The following EFNA5 variants were observed in gnomAD, a reference collection of about 807,000 sequenced individuals.
The protein encoded by EFNA5 is ephrin-A5.
EFNA5 carries 5 observed loss-of-function variants against 22.9 expected under a neutral mutation model. The observed-to-expected ratio is 0.22, with a 90% CI of 0.11 to 0.46. The LOEUF is 0.46. Among genes scored for constraint, EFNA5 ranks in the 20% least tolerant of loss-of-function variants. The pLI, the probability that EFNA5 is intolerant of heterozygous loss-of-function variation, is 0.99. For synonymous variants in EFNA5, 113 were observed against 112.2 expected (o/e 1.01, Z -0.04); for missense variants, 237 against 293.3 (o/e 0.81, Z 1.40).
At chr5:107,444,264 C>A (rs1295604994) in intron 1 of EFNA5, among the ~76,000 whole-genome samples, 1 of 152,212 alleles carries the variant, frequency 6.6e-6, no homozygotes, top group African/African-American at 2.4e-5. Context: ...AGAGAACATG[C>A]ATTTATCTTT....
chr5:107,456,399 G>A (rs1162489613), intron 1 of EFNA5, among the ~76,000 whole-genome samples: 1 of 152,146 alleles, frequency 6.6e-6, no homozygotes, highest in African/African-American at 2.4e-5. Context: ...GAAGCCAGCT[G>A]TTCATGCACT....
rs55662415 is a variant in EFNA5, at chr5:107,397,547, C to CAA, written c.419-9778_419-9777dup. On this transcript the variant is annotated intron_variant, in intron 2 of 4. Transcript: ENST00000333274. ...TGGGTGACAGAGTGAGACTCCATCT[C>CAA]AAAAAAAAAAAGGGTGGGGGTAATT... is the stretch of plus-strand genomic sequence containing the variant. Among the ~76,000 whole-genome samples, 206 of 145,864 alleles carry CAA rather than the reference C, an allele frequency of 1.4e-3. 2 individuals carry two copies. The highest frequency in any genetic ancestry group is 1.6e-3 in the Admixed American group (24 of 14,730).
chr5:107,414,242 T>C (rs1444326431), intron 2 of EFNA5, among the ~76,000 whole-genome samples: 2 of 152,200 alleles, frequency 1.3e-5, no homozygotes, highest in African/African-American at 4.8e-5. Flanking sequence ...AAATTTGGGA[T>C]AGCGTCTTAA....
At chr5:107,546,276 C>A (rs1037817265) in intron 1 of EFNA5, among the ~76,000 whole-genome samples, 2 of 152,272 alleles carry the variant, frequency 1.3e-5, no homozygotes, top group South Asian at 4.1e-4. Flanking sequence ...CCTCACAAAT[C>A]AATCTGGTCA....
intron 1 of EFNA5, among the ~76,000 whole-genome samples, chr5:107,460,444 T>C (rs535396709): frequency 6.6e-6 from 1 of 152,266 alleles, no homozygotes; most frequent in African/African-American, 2.4e-5. Flanking sequence ...TTCAGTAACA[T>C]CACACAGACA....
intron 1 of EFNA5, among the ~76,000 whole-genome samples, chr5:107,438,380 G>A (rs1005933747): frequency 1.1e-4 from 16 of 152,136 alleles, no homozygotes; most frequent in African/African-American, 2.9e-4. Context: ...TCCTGCAATC[G>A]CCTATCACAT....
At chr5:107,473,360 T>C (rs886148277) in intron 1 of EFNA5, among the ~76,000 whole-genome samples, 9 of 152,006 alleles carry the variant, frequency 5.9e-5, no homozygotes, top group South Asian at 2.1e-4. Context: ...ATATCATTCT[T>C]GAATTCCCTA....
At chr5:107,660,467 G>T (rs1374439524) in intron 1 of EFNA5, among the ~76,000 whole-genome samples, 1 of 150,740 alleles carries the variant, frequency 6.6e-6, no homozygotes, top group Admixed American at 6.6e-5. Flanking sequence ...AAACCAAGAA[G>T]AACACTATCA....
intron 1 of EFNA5, among the ~76,000 whole-genome samples, chr5:107,515,466 C>T (rs1157496355): frequency 2.0e-5 from 3 of 151,222 alleles, no homozygotes; most frequent in Admixed American, 2.0e-4. Context: ...GCAACCTCCG[C>T]CTGCTGGGTT....
intron 1 of EFNA5, among the ~76,000 whole-genome samples, chr5:107,633,262 A>C (rs1750297283): frequency 6.6e-6 from 1 of 152,246 alleles, no homozygotes. Context: ...ATGATGAATT[A>C]CAAGTAAGCC....
chr5:107,513,903 A>G (rs528370287), intron 1 of EFNA5, among the ~76,000 whole-genome samples: 71 of 152,260 alleles, frequency 4.7e-4, no homozygotes, highest in African/African-American at 1.6e-3. Flanking sequence ...ACAGTAAGAG[A>G]GGAGGATGTT....
At chr5:107,586,491 C>A (rs1749188825) in intron 1 of EFNA5, among the ~76,000 whole-genome samples, 1 of 152,208 alleles carries the variant, frequency 6.6e-6, no homozygotes, top group Non-Finnish European at 1.5e-5. Flanking sequence ...GGACAAGTCT[C>A]TTCCATGCAT....
rs112272416 is a variant in EFNA5, at chr5:107,555,126, G to C, written c.125+115363C>G. Among the ~76,000 whole-genome samples the C allele has an allele frequency of 7.4e-4, 113 of 152,326 alleles. 1 individual carries two copies. In the Middle Eastern group the frequency reaches 0.01, roughly 14 times the overall value. On this transcript the variant is annotated intron_variant, in intron 1 of 4. Coordinates refer to ENST00000333274, the MANE Select transcript of EFNA5 (RefSeq NM_001962.3). Reference sequence around the variant, plus strand: ...CATATCCTGCAGAGACAGATGTAGAGAGTTGAGCAGCTTTAAAAATAATGA... The same window carrying C: ...CATATCCTGCAGAGACAGATGTAGACAGTTGAGCAGCTTTAAAAATAATGA...
chr5:107,661,254 G>A (rs1053750765), intron 1 of EFNA5, among the ~76,000 whole-genome samples: 5 of 152,118 alleles, frequency 3.3e-5, no homozygotes, highest in African/African-American at 1.2e-4. Context: ...TAAAATTATT[G>A]GGAGGCAAAG....
intron 1 of EFNA5, among the ~76,000 whole-genome samples, chr5:107,506,361 A>G (rs563053089): frequency 1.3e-5 from 2 of 152,376 alleles, no homozygotes; most frequent in African/African-American, 4.8e-5. Flanking sequence ...GAACATTACA[A>G]TTTAGTTGAA....
intron 1 of EFNA5, among the ~76,000 whole-genome samples, chr5:107,520,113 G>T (rs1351733437): frequency 6.6e-6 from 1 of 152,194 alleles, no homozygotes; most frequent in Non-Finnish European, 1.5e-5. Context: ...CAGATGTGAA[G>T]GCTGGAATTC....
chr5:107,657,818 A>G (rs921874824), intron 1 of EFNA5, among the ~76,000 whole-genome samples: 4 of 152,178 alleles, frequency 2.6e-5, no homozygotes, highest in Non-Finnish European at 5.9e-5. Context: ...GTTCATTTAG[A>G]TTAGTAATAT....
chr5:107,462,634 A>C (rs956355764), intron 1 of EFNA5, among the ~76,000 whole-genome samples: 5 of 152,156 alleles, frequency 3.3e-5, no homozygotes, highest in African/African-American at 1.2e-4. Flanking sequence ...CTTTGTGATG[A>C]ACAAAACATA....
chr5:107,620,289 C>T (rs545456807), intron 1 of EFNA5, among the ~76,000 whole-genome samples: 39 of 152,310 alleles, frequency 2.6e-4, no homozygotes, highest in African/African-American at 9.4e-4. Context: ...TTTACTTTCA[C>T]CACCAATTCA....
Sources: gnomAD v4.1 joint callset for allele counts (sites outside exome capture counted in the v4.1 genomes callset) on GRCh38, gnomAD v4.1.1 for gene constraint, MANE v1.5 for transcripts, NCBI Gene and HGNC (gene_info 2026-07-23, HGNC 2026-07-21) for gene names.